B4GALT4: variants seen among roughly 807,000 people sequenced by gnomAD.
B4GALT4 encodes beta-1,4-galactosyltransferase 4.
In B4GALT4, 27 loss-of-function variants were observed where a neutral mutation model predicts 37.3. That is an observed-to-expected ratio of 0.72 (90% CI 0.53 to 1.00). The LOEUF is 1.00. Ranked by LOEUF, B4GALT4 falls within the 50% of genes least tolerant of loss-of-function variation. The pLI is 0.00. For synonymous variants in B4GALT4, 148 were observed against 154.1 expected (o/e 0.96, Z 0.29); for missense variants, 372 against 413.1 (o/e 0.90, Z 0.86).
At chr3:119,228,219 C>T (rs190631055) in intron 3 of B4GALT4, among the ~76,000 whole-genome samples, 55 of 152,272 alleles carry the variant, frequency 3.6e-4, no homozygotes, top group African/African-American at 1.2e-3. Flanking sequence ...CTCAAAGAGC[C>T]TCACGCAACA....
chr3:119,216,297 C>G lies in B4GALT4; in HGVS notation c.845G>C (p.Gly282Ala). 2 of 1,613,886 alleles carry G rather than the reference C, an allele frequency of 1.2e-6. No individual in the cohort carries two copies. Among genetic ancestry groups the G allele is most frequent in the Non-Finnish European group, 1.7e-6 (2 of 1,179,900 alleles). The change falls in exon 7 of 8, where the codon GGT becomes GCT. Residue 282 changes from glycine (G) to alanine (A), a missense_variant. Gly to Ala is a moderately conservative substitution (Grantham distance 60). Transcript: ENST00000393765. ...AGTGTGGAAGACCATTGTATATTTA[C>G]CCACTTCAGGCAGGGGCCGGGAAAT... ...MKISRPLPEVGKYTMVFHTRD... is the reference protein window; with the variant it reads ...MKISRPLPEVAKYTMVFHTRD...
At chr3:119,222,298 C>T (rs2078472507) in intron 5 of B4GALT4, among the ~76,000 whole-genome samples, 1 of 152,150 alleles carries the variant, frequency 6.6e-6, no homozygotes, top group African/African-American at 2.4e-5. Flanking sequence ...TGATACACTG[C>T]TTTCCTCAAT....
chr3:119,234,765 A>C (rs2078934133), intron 2 of B4GALT4, among the ~76,000 whole-genome samples: 1 of 152,232 alleles, frequency 6.6e-6, no homozygotes. Flanking sequence ...GCTGTCTTGA[A>C]GTGCCAAGGG....
chr3:119,232,217 G>GT (rs1294431754), intron 2 of B4GALT4, among the ~76,000 whole-genome samples: 6 of 152,170 alleles, frequency 3.9e-5, no homozygotes, highest in Non-Finnish European at 7.3e-5. Context: ...TCCTGTGAAG[G>GT]TATCACAGGA....
At chr3:119,219,920 C>A (rs2078400847) in intron 5 of B4GALT4, among the ~76,000 whole-genome samples, 1 of 152,112 alleles carries the variant, frequency 6.6e-6, no homozygotes, top group Non-Finnish European at 1.5e-5. Context: ...AACTTCAGGT[C>A]AAACTGTTCC....
Position 119,212,343 on chromosome 3 carries a change from T to A in B4GALT4, c.*206A>T. On this transcript the variant is annotated 3_prime_UTR_variant, in exon 8 of 8. Transcript: ENST00000393765. The stretch of plus-strand genomic sequence containing the variant: ...ATATTACAATATTTAACCCTCATGA[T>A]CAAAATGACTAAGAAAGCTGTCTTG... 2 of 644,770 alleles carry A rather than the reference T, an allele frequency of 3.1e-6. No individual in the cohort carries two copies. Among genetic ancestry groups the A allele is most frequent in the Non-Finnish European group, 5.5e-6 (2 of 362,776 alleles). The allele number at this position is 644,770 out of a possible 1,614,324, so 39.9% of individuals were successfully genotyped here.
At chr3:119,226,707 G>T in intron 4 of B4GALT4, 102 bp downstream of exon 4, 1 of 959,872 alleles carries the variant, frequency 1.0e-6, no homozygotes, top group South Asian at 1.6e-5. Context: ...TTTGATGATA[G>T]TCTGATGTTC....
At chr3:119,218,618 C>G (rs1232643437) in intron 6 of B4GALT4, 32 bp downstream of exon 6, 2 of 1,613,622 alleles carry the variant, frequency 1.2e-6, no homozygotes, top group Non-Finnish European at 1.7e-6. Context: ...GAGTGCAGAG[C>G]CCCGTGAAGG....
Position 119,224,237 on chromosome 3 carries a change from A to C in B4GALT4, c.495T>G (p.Gly165=). The change falls in exon 5 of 8, where the codon GGT becomes GGG. Residue 165 remains glycine, a synonymous_variant. Coordinates refer to ENST00000393765, the MANE Select transcript of B4GALT4 (RefSeq NM_003778.4). ...AGAGTTTGGCTCGATTAAACTTTTT[A>C]CCTTCAGCCTAGAGATATGAAAATT... The part of the protein sequence containing the change: ...YGIYVIHQAE[G]KKFNRAKLLN... 2 of 1,606,662 alleles carry C rather than the reference A, an allele frequency of 1.2e-6. No homozygotes were observed. The highest frequency in any genetic ancestry group is 1.7e-6 in the Non-Finnish European group (2 of 1,177,530).
intron 1 of B4GALT4, among the ~76,000 whole-genome samples, chr3:119,239,355 C>G (rs2079080196): frequency 6.7e-6 from 1 of 148,602 alleles, no homozygotes; most frequent in South Asian, 2.1e-4. Flanking sequence ...ATATTTTTAT[C>G]GAGAACCTAG....
chr3:119,236,171 T>C (rs185761687), intron 2 of B4GALT4: 1 of 152,280 alleles, frequency 6.6e-6, no homozygotes, highest in African/African-American at 2.4e-5. Flanking sequence ...CATTCCACGA[T>C]ATACCTAACT....
At chr3:119,222,841 C>G (rs893004511) in intron 5 of B4GALT4, among the ~76,000 whole-genome samples, 5 of 152,214 alleles carry the variant, frequency 3.3e-5, no homozygotes, top group African/African-American at 1.2e-4. Context: ...ACACTGTGCT[C>G]TCACCCACCA....
At chr3:119,227,181 T>A in intron 3 of B4GALT4, 140 bp from the exon 4 acceptor site, 1 of 735,980 alleles carries the variant, frequency 1.4e-6, no homozygotes, top group Non-Finnish European at 2.2e-6. Context: ...ATGATTACTT[T>A]AAAGGCTCAT....
At position 119,212,208 on chromosome 3, in the gene B4GALT4, C is replaced by T. The variant is rs1045350726; in HGVS notation, c.*341G>A. The T allele has an allele frequency of 1.0e-5, 7 of 702,904 alleles. No homozygotes were observed. The highest frequency in any genetic ancestry group is 7.0e-5 in the African/African-American group (4 of 57,256). The allele number at this position is 702,904 out of a possible 1,614,324, so 43.5% of individuals were successfully genotyped here. On this transcript the variant is annotated 3_prime_UTR_variant, in exon 8 of 8. Coordinates refer to ENST00000393765, the MANE Select transcript of B4GALT4 (RefSeq NM_003778.4). ...AGTCTTATTTCCTGTGGCCTTTTAT[C>T]CCATAATATATTACTTCAAATTTAA... is the stretch of plus-strand genomic sequence containing the variant.
intron 5 of B4GALT4, among the ~76,000 whole-genome samples, chr3:119,220,077 G>C (rs2078405440): frequency 6.6e-6 from 1 of 152,184 alleles, no homozygotes; most frequent in Admixed American, 6.5e-5. Context: ...TCTGAGAAAA[G>C]ACTGGGGACT....
intron 2 of B4GALT4, chr3:119,235,158 C>T (rs988383526): frequency 2.0e-5 from 3 of 152,180 alleles, no homozygotes; most frequent in African/African-American, 7.2e-5. Flanking sequence ...AGAGTCCTTT[C>T]TTTCTCTCTA....
chr3:119,219,937 G>A (rs879568143), intron 5 of B4GALT4, among the ~76,000 whole-genome samples: 8 of 152,118 alleles, frequency 5.3e-5, no homozygotes, highest in African/African-American at 1.7e-4. Context: ...TTCCAGGACC[G>A]ATAAAATATT....
chr3:119,231,815 T>A (rs1398285591), intron 2 of B4GALT4, among the ~76,000 whole-genome samples: 1 of 131,060 alleles, frequency 7.6e-6, no homozygotes, highest in African/African-American at 2.9e-5. Flanking sequence ...ATAATATATT[T>A]TATATTTTAA....
At chr3:119,216,065 T>C (rs189767439) in intron 7 of B4GALT4, 175 bp downstream of exon 7, 41 of 402,254 alleles carry the variant, frequency 1.0e-4, no homozygotes, top group Non-Finnish European at 1.6e-4. Flanking sequence ...TTGAGAACTG[T>C]AGACGTGAGG....
Sources: gnomAD v4.1 joint callset for allele counts (sites outside exome capture counted in the v4.1 genomes callset) on GRCh38, gnomAD v4.1.1 for gene constraint, MANE v1.5 for transcripts, NCBI Gene and HGNC (gene_info 2026-07-23, HGNC 2026-07-21) for gene names.